The following ZMYM4 variants were observed in gnomAD, a reference collection of about 807,000 sequenced individuals.
ZMYM4 encodes zinc finger MYM-type containing 4, also known as zinc finger MYM-type protein 4.
Under a neutral mutation model 183.2 loss-of-function variants are expected in ZMYM4, and 31 were observed. The ratio of observed to expected loss-of-function variants is 0.17; its 90% CI spans 0.13 to 0.23. The LOEUF (loss-of-function observed/expected upper bound fraction) is 0.23. Among genes scored for constraint, ZMYM4 ranks in the 10% least tolerant of loss-of-function variants. The pLI is 1.00. For synonymous variants in ZMYM4, 592 were observed against 631.2 expected (o/e 0.94, Z 0.93); for missense variants, 1,273 against 1,840.3 (o/e 0.69, Z 5.64).
At chr1:35,415,325 C>T in intron 27 of ZMYM4, 141 bp from the exon 28 acceptor site, 2 of 1,176,978 alleles carry the variant, frequency 1.7e-6, no homozygotes, top group Non-Finnish European at 2.4e-6. Flanking sequence ...GGTGCGTTTT[C>T]TGGTTTTCTG....
intron 1 of ZMYM4, among the ~76,000 whole-genome samples, chr1:35,283,439 G>A (rs560050038): frequency 1.6e-4 from 22 of 141,808 alleles, no homozygotes; most frequent in Non-Finnish European, 2.6e-4. Context: ...CTGGGTTCAC[G>A]CCATTCTCCT....
intron 2 of ZMYM4, among the ~76,000 whole-genome samples, chr1:35,333,795 C>T (rs556850517): frequency 3.7e-4 from 57 of 152,164 alleles, no homozygotes; most frequent in Admixed American, 2.9e-3. Flanking sequence ...TTTTCTCCTC[C>T]TCACTTCTCT....
intron 2 of ZMYM4, among the ~76,000 whole-genome samples, chr1:35,334,437 G>A (rs1411445950): frequency 2.0e-5 from 3 of 152,154 alleles, no homozygotes; most frequent in African/African-American, 4.8e-5. Context: ...TCTGATGGAT[G>A]TAAAATATCA....
chr1:35,331,774 A>C (rs1012781744), intron 2 of ZMYM4, among the ~76,000 whole-genome samples: 2 of 144,790 alleles, frequency 1.4e-5, no homozygotes, highest in Non-Finnish European at 3.0e-5. Context: ...TGAGAAACAG[A>C]AAAAGACTCC....
At chr1:35,388,823 A>T in intron 13 of ZMYM4, 87 bp from the exon 14 acceptor site, 2 of 1,260,380 alleles carry the variant, frequency 1.6e-6, no homozygotes, top group Non-Finnish European at 2.3e-6. Context: ...GGTGTGAGCC[A>T]CTGCACCGGG....
chr1:35,282,174 T>C lies in ZMYM4; in HGVS notation c.39+13089T>C, dbSNP rs116302321. Among the ~76,000 whole-genome samples the C allele has an allele frequency of 8.4e-3, 1,282 of 152,374 alleles. 17 individuals carry two copies. The highest frequency in any genetic ancestry group is 0.029 in the African/African-American group (1,217 of 41,582). The stretch of plus-strand genomic sequence containing the variant: ...TTGTGATGGTTTTAATGAGTGTCTT[T>C]TAAAATTCATGTTGAAATTTGATTC... On this transcript the variant is annotated intron_variant, in intron 1 of 29. Coordinates refer to ENST00000314607, the MANE Select transcript of ZMYM4 (RefSeq NM_005095.3).
intron 2 of ZMYM4, among the ~76,000 whole-genome samples, chr1:35,347,048 C>T (rs941660327): frequency 1.6e-4 from 25 of 152,190 alleles, no homozygotes; most frequent in African/African-American, 6.0e-4. Flanking sequence ...TCTTGTCACC[C>T]AGGCTGGAGT....
intron 1 of ZMYM4, among the ~76,000 whole-genome samples, chr1:35,312,036 G>A (rs1009176283): frequency 6.6e-6 from 1 of 152,100 alleles, no homozygotes; most frequent in Admixed American, 6.5e-5. Flanking sequence ...ACAGTCATGA[G>A]CCACCATACC....
At chr1:35,368,095 C>G (rs550317397) in intron 5 of ZMYM4, among the ~76,000 whole-genome samples, 1 of 120,434 alleles carries the variant, frequency 8.3e-6, no homozygotes, top group Non-Finnish European at 1.6e-5. Flanking sequence ...GTTTTTCCAC[C>G]CACTGCTTTC....
intron 1 of ZMYM4, among the ~76,000 whole-genome samples, chr1:35,318,908 C>T (rs780730531): frequency 1.3e-4 from 20 of 152,106 alleles, no homozygotes; most frequent in Non-Finnish European, 2.5e-4. Context: ...GTTTTTGAGA[C>T]GGAGTTTCGC....
chr1:35,388,436 C>G (rs999801255), intron 13 of ZMYM4, among the ~76,000 whole-genome samples: 1 of 152,306 alleles, frequency 6.6e-6, no homozygotes, highest in Non-Finnish European at 1.5e-5. Context: ...AACTCCTGAC[C>G]TCAGGTGATC....
intron 7 of ZMYM4, among the ~76,000 whole-genome samples, chr1:35,380,494 AT>A (rs1196414870): frequency 2.0e-5 from 3 of 151,984 alleles, no homozygotes; most frequent in Non-Finnish European, 4.4e-5. Flanking sequence ...CGCCTGGCTA[AT>A]TTTTTGTATT....
intron 2 of ZMYM4, among the ~76,000 whole-genome samples, chr1:35,341,554 T>C (rs1643201717): frequency 6.6e-6 from 1 of 151,998 alleles, no homozygotes; most frequent in Admixed American, 6.6e-5. Context: ...TAGATTCTTA[T>C]TGCAAGAATA....
At chr1:35,269,917 A>T (rs1639513302) in intron 1 of ZMYM4, among the ~76,000 whole-genome samples, 1 of 152,218 alleles carries the variant, frequency 6.6e-6, no homozygotes, top group Non-Finnish European at 1.5e-5. Flanking sequence ...CTCCCCGCTT[A>T]GCATGATAAG....
intron 1 of ZMYM4, among the ~76,000 whole-genome samples, chr1:35,318,979 CG>C (rs1458646241): frequency 1.3e-5 from 2 of 152,164 alleles, no homozygotes; most frequent in African/African-American, 4.8e-5. Context: ...CTCCGCCTCC[CG>C]GGTTCAAGTG....
chr1:35,370,789 G>C (rs1183157313), intron 7 of ZMYM4, 162 bp downstream of exon 7: 1 of 765,558 alleles, frequency 1.3e-6, no homozygotes, highest in Non-Finnish European at 1.6e-6. Flanking sequence ...TTCAGTTGTT[G>C]CTTTTCAGTC....
intron 3 of ZMYM4, among the ~76,000 whole-genome samples, chr1:35,360,979 A>C (rs1356031134): frequency 6.6e-6 from 1 of 151,684 alleles, no homozygotes; most frequent in East Asian, 1.9e-4. Context: ...GAGCAAGGAA[A>C]AAATGTAGGG....
intron 1 of ZMYM4, among the ~76,000 whole-genome samples, chr1:35,301,013 A>G (rs1641253523): frequency 6.6e-6 from 1 of 152,130 alleles, no homozygotes; most frequent in African/African-American, 2.4e-5. Context: ...TCCCTTAACT[A>G]TTCTCAAGCT....
At chr1:35,347,218 G>A (rs1165805753) in intron 2 of ZMYM4, among the ~76,000 whole-genome samples, 1 of 152,208 alleles carries the variant, frequency 6.6e-6, no homozygotes, top group African/African-American at 2.4e-5. Context: ...TGTTGGCCAA[G>A]CTGGTCTCGA....
Sources: allele counts gnomAD v4.1 joint callset (sites outside exome capture counted in the v4.1 genomes callset), GRCh38; gene constraint gnomAD v4.1.1; transcripts MANE v1.5; gene names NCBI Gene and HGNC (gene_info 2026-07-23, HGNC 2026-07-21).